The following OTC variants were observed in gnomAD, a reference collection of about 807,000 sequenced individuals.
OTC encodes the protein ornithine transcarbamylase, mitochondrial.
A neutral mutation model predicts 30.3 loss-of-function variants in OTC; 3 were observed. The ratio of observed to expected loss-of-function variants is 0.10; its 90% CI spans 0.05 to 0.26. The LOEUF is 0.26. Among genes scored for constraint, OTC ranks in the 10% least tolerant of loss-of-function variants. The pLI is 1.00. For missense variants in OTC, 194 were observed against 260.3 expected, an observed-to-expected ratio of 0.75 and a Z score of 1.75; for synonymous variants, 111 against 99.7, an observed-to-expected ratio of 1.11 and a Z score of -0.67.
chrX:38,342,985 C>T, the OTC span, among the ~76,000 whole-genome samples: 2 of 112,063 alleles, frequency 1.8e-5, no homozygotes, highest in African/African-American at 6.5e-5. Context: ...AGGTCAAGAG[C>T]ACCTCCCAAG....
At chrX:38,367,733 A>ATTTC (rs1187813946) in intron 2 of OTC, among the ~76,000 whole-genome samples, 1 of 110,467 alleles carries the variant, frequency 9.1e-6, no homozygotes, top group Non-Finnish European at 1.9e-5. Context: ...TTATTTATTT[A>ATTTC]TTGAGATGGA....
chrX:38,391,285 C>T (rs1293834402), intron 4 of OTC, among the ~76,000 whole-genome samples: 3 of 110,831 alleles, frequency 2.7e-5, no homozygotes, highest in Non-Finnish European at 5.7e-5. Context: ...AGGAGATATA[C>T]CTAATGTTAA....
intron 5 of OTC, among the ~76,000 whole-genome samples, chrX:38,402,660 T>A (rs905765163): frequency 8.9e-6 from 1 of 111,915 alleles, no homozygotes; most frequent in Non-Finnish European, 1.9e-5. Context: ...TCTTTGCTGT[T>A]TTTCAATAAA....
At chrX:38,416,111 A>G (rs983499463) in intron 9 of OTC, among the ~76,000 whole-genome samples, 2 of 112,071 alleles carry the variant, frequency 1.8e-5, no homozygotes, top group African/African-American at 6.5e-5. Context: ...GTCGCCCTCC[A>G]GTTCTGAGAT....
At chrX:38,365,224 A>G (rs906573405) in intron 1 of OTC, among the ~76,000 whole-genome samples, 1 of 113,157 alleles carries the variant, frequency 8.8e-6, no homozygotes, top group Admixed American at 9.3e-5. Flanking sequence ...GTGGTGAACC[A>G]CAATTTGCCT....
chrX:38,418,329 G>A (rs2068579565), intron 9 of OTC, among the ~76,000 whole-genome samples: 1 of 111,559 alleles, frequency 9.0e-6, no homozygotes, highest in African/African-American at 3.3e-5. Flanking sequence ...TTTTAATCAG[G>A]TTGTTTTCTT....
chrX:38,361,446 AC>A (rs2068271232), intron 1 of OTC, among the ~76,000 whole-genome samples: 1 of 112,430 alleles, frequency 8.9e-6, no homozygotes, highest in East Asian at 2.8e-4. Context: ...CTTAGTGAAG[AC>A]AAAGTTATTG....
chrX:38,384,798 A>C (rs2068393901), intron 4 of OTC, among the ~76,000 whole-genome samples: 1 of 110,361 alleles, frequency 9.1e-6, no homozygotes, highest in Non-Finnish European at 1.9e-5. Context: ...TGAGTGTAGC[A>C]ACCAAAAGAA....
chrX:38,406,695 G>T (rs769686231), intron 6 of OTC, among the ~76,000 whole-genome samples: 240 of 111,922 alleles, frequency 2.1e-3, no homozygotes, highest in African/African-American at 7.1e-3. Context: ...GCACCTGGGG[G>T]AATATCCAAG....
rs146103327 is a variant in OTC at position 38,386,463 on chromosome X, C to G, written c.386+5034C>G. On this transcript the variant is annotated intron_variant, in intron 4 of 9. Coordinates refer to ENST00000039007, the MANE Select transcript of OTC (RefSeq NM_000531.6). ...TTGTTGAACAGCAATGCTCATTGCCCCCCACCTCCAACCCCTGGCAACCAC... is the reference window on the plus strand; with the variant it reads ...TTGTTGAACAGCAATGCTCATTGCCGCCCACCTCCAACCCCTGGCAACCAC... 6.1e-3 allele frequency among the ~76,000 whole-genome samples: 670 copies of G among 109,859 alleles called. 6 individuals are homozygous for G. Among genetic ancestry groups the G allele is most frequent in the Non-Finnish European group, 0.01 (534 of 52,715 alleles).
chrX:38,373,240 G>A (rs757331174), intron 3 of OTC, among the ~76,000 whole-genome samples: 4 of 111,906 alleles, frequency 3.6e-5, no homozygotes, highest in Non-Finnish European at 3.8e-5. Flanking sequence ...TATTATCCTG[G>A]CTTCTAACAT....
chrX:38,412,560 T>A (rs970764306), intron 9 of OTC, among the ~76,000 whole-genome samples: 1 of 112,223 alleles, frequency 8.9e-6, no homozygotes, highest in African/African-American at 3.2e-5. Context: ...AGCCACTAGT[T>A]TCATCTTCAT....
chrX:38,352,630 C>T lies in OTC; in HGVS notation c.-67C>T. On this transcript the variant is annotated 5_prime_UTR_variant, in exon 1 of 10. Coordinates refer to ENST00000039007, the MANE Select transcript of OTC (RefSeq NM_000531.6). ...ACACATTTCTTAGTTTTTAGGTGGC[C>T]CCCGCTGGCTAACTTGCTGTGGAGT... The T allele has an allele frequency of 1.2e-6, 1 of 838,687 alleles. No individual in the cohort carries two copies. Among genetic ancestry groups the T allele is most frequent in the Non-Finnish European group, 1.8e-6 (1 of 557,535 alleles). The allele number at this position is 838,687 out of a possible 1,213,427, so 69.1% of individuals were successfully genotyped here.
intron 1 of OTC, among the ~76,000 whole-genome samples, chrX:38,363,817 A>C (rs1233209105): frequency 9.0e-6 from 1 of 111,382 alleles, no homozygotes; most frequent in African/African-American, 3.3e-5. Context: ...ATATCTACAA[A>C]CTTATTTTTA....
intron 4 of OTC, among the ~76,000 whole-genome samples, chrX:38,396,988 G>C (rs780969419): frequency 6.3e-5 from 7 of 110,731 alleles, no homozygotes; most frequent in Non-Finnish European, 1.1e-4. Context: ...AGGACTGTTT[G>C]GCTTACAAAT....
At chrX:38,343,422 T>G in the OTC span, among the ~76,000 whole-genome samples, 2 of 112,197 alleles carry the variant, frequency 1.8e-5, no homozygotes, top group Non-Finnish European at 3.8e-5. Flanking sequence ...GGAGAAGAGA[T>G]AGCTCTAGGA....
At chrX:38,343,050 G>A in the OTC span, among the ~76,000 whole-genome samples, 1 of 112,422 alleles carries the variant, frequency 8.9e-6, no homozygotes, top group Non-Finnish European at 1.9e-5. Flanking sequence ...TCACCAAAAA[G>A]TAGAAATGGG....
intron 3 of OTC, among the ~76,000 whole-genome samples, chrX:38,370,296 G>C (rs956874669): frequency 8.9e-6 from 1 of 111,927 alleles, no homozygotes; most frequent in Admixed American, 9.5e-5. Context: ...GTTGTTTTAT[G>C]GTTTATTTTG....
intron 6 of OTC, 109 bp from the exon 7 acceptor site, chrX:38,408,632 AC>A: frequency 1.9e-6 from 1 of 530,908 alleles, no homozygotes; most frequent in Non-Finnish European, 3.2e-6. Flanking sequence ...TGGTGGGACC[AC>A]ATCTTGAAAA....
Sources: allele counts gnomAD v4.1 joint callset (sites outside exome capture counted in the v4.1 genomes callset), GRCh38; gene constraint gnomAD v4.1.1; transcripts MANE v1.5; gene names NCBI Gene and HGNC (gene_info 2026-07-23, HGNC 2026-07-21).